The following SLC44A2 variants were observed in gnomAD, a reference collection of about 807,000 sequenced individuals.
The protein encoded by SLC44A2 is choline transporter-like protein 2.
Under a neutral mutation model 90.8 loss-of-function variants are expected in SLC44A2, and 57 were observed. The ratio of observed to expected loss-of-function variants is 0.63; its 90% CI spans 0.51 to 0.78. The LOEUF is 0.78. Among genes scored for constraint, SLC44A2 ranks in the 30% least tolerant of loss-of-function variants. The probability of loss-of-function intolerance (pLI) is 0.00; values close to 1 mark genes in which losing one functional copy is unlikely to be tolerated. For synonymous variants in SLC44A2, 355 were observed against 360.7 expected (o/e 0.98, Z 0.18); for missense variants, 794 against 919.7 (o/e 0.86, Z 1.77).
intron 1 of SLC44A2, among the ~76,000 whole-genome samples, chr19:10,609,158 A>G (rs1375996474): frequency 6.6e-6 from 1 of 151,904 alleles, no homozygotes; most frequent in Non-Finnish European, 1.5e-5. Context: ...GGGTTTCACC[A>G]TATTGGCCAG....
intron 21 of SLC44A2, 21 bp from the exon 22 acceptor site, chr19:10,643,258 C>T (rs1395856972): frequency 1.9e-6 from 3 of 1,602,252 alleles, no homozygotes; most frequent in Admixed American, 3.4e-5. Flanking sequence ...ATGCCTCCTG[C>T]TCTGGGACCT....
chr19:10,624,071 C>T (rs2066911064), upstream of SLC44A2, among the ~76,000 whole-genome samples: 2 of 152,086 alleles, frequency 1.3e-5, no homozygotes, highest in African/African-American at 4.8e-5. Context: ...GATCTCGGCT[C>T]ATTGCAACCT....
chr19:10,641,538 C>A, intron 20 of SLC44A2: 1 of 380,770 alleles, frequency 2.6e-6, no homozygotes. Flanking sequence ...ATAGCACATG[C>A]AGAGGCCCAG....
At chr19:10,602,569 C>T (rs1429397149) in intron 1 of SLC44A2, 13 of 1,270,864 alleles carry the variant, frequency 1.0e-5, no homozygotes, top group East Asian at 6.3e-5. Context: ...ACGGTAGGAG[C>T]CGCCTCCGGT....
At chr19:10,634,486 G>T (rs2067032367) in intron 10 of SLC44A2, among the ~76,000 whole-genome samples, 2 of 151,450 alleles carry the variant, frequency 1.3e-5, no homozygotes. Context: ...AAAAGAGAGA[G>T]AACTTAGACC....
intron 5 of SLC44A2, 63 bp downstream of exon 5, chr19:10,631,204 A>G (rs921883670): frequency 1.9e-6 from 3 of 1,604,348 alleles, no homozygotes; most frequent in Non-Finnish European, 2.6e-6. Context: ...CCCCCTGTGA[A>G]TGTGGGCTGC....
intron 1 of SLC44A2, among the ~76,000 whole-genome samples, chr19:10,615,163 G>T (rs977072767): frequency 6.6e-6 from 1 of 151,856 alleles, no homozygotes; most frequent in Non-Finnish European, 1.5e-5. Flanking sequence ...GGGCGTGGTG[G>T]CTCACACCTG....
intron 1 of SLC44A2, among the ~76,000 whole-genome samples, chr19:10,614,986 AAAG>A (rs1245403634): frequency 1.3e-5 from 2 of 151,094 alleles, no homozygotes; most frequent in African/African-American, 4.8e-5. Flanking sequence ...AAAAAAAAAA[AAAG>A]AAGAAGAAAA....
At chr19:10,608,201 C>T (rs966999664) in intron 1 of SLC44A2, among the ~76,000 whole-genome samples, 1 of 148,926 alleles carries the variant, frequency 6.7e-6, no homozygotes, top group Non-Finnish European at 1.5e-5. Flanking sequence ...CCAGCCTGGG[C>T]AACAGAGCGA....
intron 2 of SLC44A2, 99 bp from the exon 3 acceptor site, chr19:10,627,622 GT>G: frequency 8.1e-7 from 1 of 1,227,632 alleles, no homozygotes. Context: ...AGGAAAATTT[GT>G]CCAAATAACA....
intron 1 of SLC44A2, among the ~76,000 whole-genome samples, chr19:10,616,601 A>G (rs1050843481): frequency 2.0e-5 from 3 of 151,892 alleles, no homozygotes; most frequent in Admixed American, 6.6e-5. Context: ...ATAGTGGCTC[A>G]CGCCTGTAAT....
intron 1 of SLC44A2, among the ~76,000 whole-genome samples, chr19:10,615,824 T>G (rs965000599): frequency 1.3e-5 from 2 of 151,982 alleles, no homozygotes; most frequent in Non-Finnish European, 2.9e-5. Context: ...TAGGCCTCAG[T>G]TGATCTGTCT....
Position 10,627,761 on chromosome 19 carries a change from G to C in SLC44A2, c.126G>C (p.Leu42=), listed in dbSNP as rs1212842955. 1.2e-6 allele frequency: 2 copies of C among 1,613,916 alleles called. No homozygotes were observed. The highest frequency in any genetic ancestry group is 3.3e-5 in the Admixed American group (2 of 59,986). Residue 42 remains leucine, a synonymous_variant, in exon 3 of 22, where the codon CTG becomes CTC. Transcript: ENST00000335757. ...TDIICCVFLL[L]AIVGYVAVGI... ...TCATATGCTGTGTGTTCCTGCTCCT[G>C]GCCATTGTGGGCTACGTGGCTGTAG...
chr19:10,637,896 A>G lies in SLC44A2; in HGVS notation c.1736A>G (p.Asn579Ser). The G allele has an allele frequency of 6.2e-7, 1 of 1,614,096 alleles. No homozygotes were observed. Among genetic ancestry groups the G allele is most frequent in the Non-Finnish European group, 8.5e-7 (1 of 1,180,014 alleles). The change falls in exon 18 of 22, where the codon AAT becomes AGT. Residue 579 changes from asparagine (N) to serine (S), a missense_variant. Physicochemically the swap from Asn to Ser is conservative, Grantham distance 46. Around this residue, in one of 3 missense-constraint regions of SLC44A2, gnomAD observed 738 missense variants for 841.1 expected, o/e 0.88. Transcript: ENST00000335757. The part of the protein sequence containing the change: ...YGTNFCTSAR[N>S]AFFLLMRNII... ...ACCAATTTCTGCACCTCGGCCAGGA[A>G]TGCCTTCTTCCTGCTCATGAGAAAC...
Position 10,635,004 on chromosome 19 carries a change from T to G in SLC44A2, c.986T>G (p.Ile329Ser). ...ATTCTGAGTATCCTTGAAGTCATTA[T>G]CATCTTGCTGCTCATCTTTCTCCGG... The part of the protein sequence containing the change: ...MIILSILEVI[I>S]ILLLIFLRKR... The change falls in exon 12 of 22, where the codon ATC becomes AGC. Residue 329 changes from isoleucine (I) to serine (S), a missense_variant. Physicochemically the swap from Ile to Ser is moderately radical, Grantham distance 142. Transcript: ENST00000335757. 1 of 1,614,194 alleles carries G rather than the reference T, an allele frequency of 6.2e-7. No homozygotes were observed. Among genetic ancestry groups the G allele is most frequent in the Non-Finnish European group, 8.5e-7 (1 of 1,180,036 alleles).
At chr19:10,635,651 C>A in intron 14 of SLC44A2, 136 bp downstream of exon 14, 2 of 757,752 alleles carry the variant, frequency 2.6e-6, no homozygotes, top group African/African-American at 1.7e-5. Flanking sequence ...TGGGGGAGGA[C>A]GCACAGTGGG....
chr19:10,633,258 G>A (rs943536188), intron 10 of SLC44A2, among the ~76,000 whole-genome samples: 1 of 151,848 alleles, frequency 6.6e-6, no homozygotes, highest in African/African-American at 2.4e-5. Context: ...TCTGCCTCCC[G>A]GGTTCAAGCA....
chr19:10,630,874 G>A (rs1371057398), intron 4 of SLC44A2, among the ~76,000 whole-genome samples, 183 bp from the exon 5 acceptor site: 2 of 139,858 alleles, frequency 1.4e-5, no homozygotes, highest in African/African-American at 2.7e-5. Flanking sequence ...GCTTGGTAGC[G>A]GGCACCTGTA....
At chr19:10,610,631 CTTTTTTTT>C (rs56002726) in intron 1 of SLC44A2, among the ~76,000 whole-genome samples, 5,033 of 48,036 alleles carry the variant, frequency 0.1, 198 homozygotes, top group Non-Finnish European at 0.14. Context: ...CCGCGCCTGG[CTTTTTTTT>C]TTTTTTTTTT....
Sources: allele counts gnomAD v4.1 joint callset (sites outside exome capture counted in the v4.1 genomes callset), GRCh38; gene constraint gnomAD v4.1.1; regional missense constraint gnomAD v4.1.1; transcripts MANE v1.5; gene names NCBI Gene and HGNC (gene_info 2026-07-23, HGNC 2026-07-21).